The following NAV3 variants were observed in gnomAD, a reference collection of about 807,000 sequenced individuals.
The protein encoded by NAV3 is pore membrane and/or filament interacting like protein 1.
NAV3 carries 87 observed loss-of-function variants against 244.7 expected under a neutral mutation model. The ratio of observed to expected loss-of-function variants is 0.36; its 90% CI spans 0.30 to 0.42. NAV3 has a LOEUF of 0.42. Among genes scored for constraint, NAV3 ranks in the 20% least tolerant of loss-of-function variants. The pLI, the probability that NAV3 is intolerant of heterozygous loss-of-function variation, is 1.00. For missense variants in NAV3, 2,663 were observed against 2,893.3 expected, an observed-to-expected ratio of 0.92 and a Z score of 1.83; for synonymous variants, 1,126 against 1,042.2, an observed-to-expected ratio of 1.08 and a Z score of -1.55.
chr12:77,769,573 T>C (rs1319897817), intron 2 of NAV3, among the ~76,000 whole-genome samples: 1 of 152,252 alleles, frequency 6.6e-6, no homozygotes, highest in Non-Finnish European at 1.5e-5. Context: ...ATAGGAATGT[T>C]TGAAGATACA....
chr12:77,920,699 CT>C (rs1337299356), intron 1 of NAV3, among the ~76,000 whole-genome samples: 1 of 151,974 alleles, frequency 6.6e-6, no homozygotes, highest in Non-Finnish European at 1.5e-5. Context: ...TATTTGTCAT[CT>C]TTTTCCACTT....
chr12:78,113,478 T>G (rs1465365517), intron 12 of NAV3, among the ~76,000 whole-genome samples: 2 of 152,222 alleles, frequency 1.3e-5, no homozygotes, highest in East Asian at 1.9e-4. Flanking sequence ...TTGACTTCTC[T>G]GCAAATGTAG....
intron 2 of NAV3, among the ~76,000 whole-genome samples, chr12:77,586,571 A>G (rs1203865412): frequency 2.6e-5 from 4 of 152,196 alleles, no homozygotes; most frequent in African/African-American, 9.6e-5. Flanking sequence ...GAGAGCATCT[A>G]CTAGAAGTTT....
At chr12:77,574,805 C>G (rs1305919593) in intron 2 of NAV3, among the ~76,000 whole-genome samples, 1 of 151,940 alleles carries the variant, frequency 6.6e-6, no homozygotes, top group African/African-American at 2.4e-5. Flanking sequence ...CTTCTAAGTA[C>G]AAACTCTTAG....
At chr12:77,743,569 G>A (rs768155327) in intron 2 of NAV3, among the ~76,000 whole-genome samples, 21 of 151,800 alleles carry the variant, frequency 1.4e-4, no homozygotes, top group Non-Finnish European at 2.7e-4. Flanking sequence ...TCATTCATAA[G>A]TGAGTGGATG....
chr12:78,174,107 G>T (rs1268426459), intron 24 of NAV3, among the ~76,000 whole-genome samples: 1 of 151,602 alleles, frequency 6.6e-6, no homozygotes, highest in African/African-American at 2.4e-5. Flanking sequence ...TGACTAATCT[G>T]CCTTGATGCC....
intron 2 of NAV3, among the ~76,000 whole-genome samples, chr12:77,818,399 T>C (rs1201430194): frequency 6.6e-6 from 1 of 152,152 alleles, no homozygotes. Context: ...ATTTTAATGT[T>C]TAGTAAGAAA....
At chr12:78,114,942 G>C (rs2694679) in intron 12 of NAV3, among the ~76,000 whole-genome samples, 112,592 of 152,058 alleles carry the variant, frequency 0.74, 41,908 homozygotes, top group Non-Finnish European at 0.78. Context: ...ACCTAGAGAG[G>C]AATCAGCCTT....
intron 2 of NAV3, among the ~76,000 whole-genome samples, chr12:77,780,772 C>T (rs1870625644): frequency 1.3e-5 from 2 of 152,106 alleles, no homozygotes; most frequent in African/African-American, 2.4e-5. Context: ...AGCTTTACAT[C>T]GCAAAGGAGT....
chr12:78,007,838 C>T (rs987829810), intron 8 of NAV3, among the ~76,000 whole-genome samples: 1 of 152,156 alleles, frequency 6.6e-6, no homozygotes, highest in South Asian at 2.1e-4. Flanking sequence ...TTTTTGTTGT[C>T]ATCTTTGGGA....
intron 2 of NAV3, among the ~76,000 whole-genome samples, chr12:77,817,032 T>C (rs1485179677): frequency 1.3e-5 from 2 of 152,200 alleles, no homozygotes; most frequent in African/African-American, 2.4e-5. Flanking sequence ...CAAACTCTGG[T>C]AGTTCTTTTT....
rs1871274699 is a variant in NAV3, at chr12:77,793,480, A to G, written c.73-146839A>G. ...AATGCTTTCCCTCCACTTGCCCCCCACACCCTGACAGGCCCTCTTGTTTGT... is the reference window on the plus strand; with the variant it reads ...AATGCTTTCCCTCCACTTGCCCCCCGCACCCTGACAGGCCCTCTTGTTTGT... On this transcript the variant is annotated intron_variant, in intron 2 of 8. Coordinates refer to the NAV3 transcript ENST00000550042. Among the ~76,000 whole-genome samples the G allele has an allele frequency of 2.0e-5, 3 of 151,868 alleles. No individual in the cohort carries two copies. The South Asian group carries it at 6.3e-4, about 32-fold the overall frequency.
At chr12:77,703,822 G>T (rs1875669639) in intron 2 of NAV3, among the ~76,000 whole-genome samples, 1 of 152,168 alleles carries the variant, frequency 6.6e-6, no homozygotes, top group South Asian at 2.1e-4. Flanking sequence ...TGACTGTGGA[G>T]CAGATAAAAA....
At chr12:77,859,775 A>AAAAAAAAC in intron 1 of NAV3, among the ~76,000 whole-genome samples, 1 of 150,902 alleles carries the variant, frequency 6.6e-6, no homozygotes, top group Non-Finnish European at 1.5e-5. Context: ...AAAAAAAAAA[A>AAAAAAAAC]AAAAAGACTA....
In NAV3 at chr12:77,763,470, G is replaced by A. The variant is rs546536048; in HGVS notation, c.73-176849G>A. ...TGCTGCCCTCAACTTCTGTAGACCA[G>A]CATCATCATCATTGTTAGGATATGG... is the stretch of plus-strand genomic sequence containing the variant. On this transcript the variant is annotated intron_variant, in intron 2 of 8. Transcript: ENST00000550042. Among the ~76,000 whole-genome samples the A allele has an allele frequency of 4.3e-4, 65 of 152,234 alleles. 1 individual carries two copies. In the South Asian group the frequency reaches 9.1e-3, roughly 21 times the overall value.
intron 20 of NAV3, among the ~76,000 whole-genome samples, chr12:78,143,108 A>G (rs449765): frequency 0.33 from 50,873 of 151,946 alleles, 8,815 homozygotes; most frequent in East Asian, 0.48. Flanking sequence ...ATAACTCTCA[A>G]TAGAGATTTA....
intron 1 of NAV3, among the ~76,000 whole-genome samples, chr12:77,866,363 A>G (rs189980902): frequency 6.6e-6 from 1 of 152,314 alleles, no homozygotes; most frequent in East Asian, 1.9e-4. Flanking sequence ...TTTAAAAAGA[A>G]CTTACTACAT....
chr12:77,577,659 A>G (rs1367388777), intron 2 of NAV3, among the ~76,000 whole-genome samples: 1 of 152,174 alleles, frequency 6.6e-6, no homozygotes, highest in African/African-American at 2.4e-5. Context: ...GAACATTTTG[A>G]AGGCAGAATT....
At chr12:77,841,744 G>T (rs1875691758) in intron 1 of NAV3, among the ~76,000 whole-genome samples, 1 of 152,148 alleles carries the variant, frequency 6.6e-6, no homozygotes, top group South Asian at 2.1e-4. Context: ...GCCATTTATA[G>T]AAAATGGTTG....
Sources: allele counts gnomAD v4.1 joint callset (sites outside exome capture counted in the v4.1 genomes callset), GRCh38; gene constraint gnomAD v4.1.1; transcripts MANE v1.5; gene names NCBI Gene and HGNC (gene_info 2026-07-23, HGNC 2026-07-21).